Variants in ASTN2 observed in about 807,000 individuals in gnomAD.
ASTN2 encodes astrotactin-2.
In ASTN2, 54 loss-of-function variants were observed where a neutral mutation model predicts 139.8. The observed-to-expected ratio is 0.39, with a 90% CI of 0.31 to 0.48. The LOEUF (loss-of-function observed/expected upper bound fraction) is 0.48, where lower values mean the gene tolerates loss of function less well. Among genes scored for constraint, ASTN2 ranks in the 20% least tolerant of loss-of-function variants. The pLI is 0.95. For missense variants in ASTN2, 1,565 were observed against 1,725.1 expected (o/e 0.91, Z 1.64); for synonymous variants, 756 against 719.5 (o/e 1.05, Z -0.81).
At chr9:116,656,682 C>CA (rs33989865) in intron 16 of ASTN2, among the ~76,000 whole-genome samples, 199 of 109,864 alleles carry the variant, frequency 1.8e-3, no homozygotes, top group African/African-American at 3.4e-3. Context: ...TTGTTGCCAC[C>CA]AAAAAAAAAA....
chr9:116,932,581 T>A (rs140643871), intron 10 of ASTN2, among the ~76,000 whole-genome samples: 1 of 152,042 alleles, frequency 6.6e-6, no homozygotes, highest in Non-Finnish European at 1.5e-5. Context: ...GAGAGTTACA[T>A]GCATGTGCCC....
At position 117,414,136 on chromosome 9, in the gene ASTN2, C is replaced by G. The variant is rs1169859589; in HGVS notation, c.442+361G>C. Among the ~76,000 whole-genome samples the G allele has an allele frequency of 1.3e-5, 2 of 152,072 alleles. No homozygotes were observed. Among genetic ancestry groups the G allele is most frequent in the Admixed American group, 1.3e-4 (2 of 15,280 alleles). On this transcript the variant is annotated intron_variant, in intron 1 of 22. Coordinates refer to ENST00000313400, the MANE Select transcript of ASTN2 (RefSeq NM_001365068.1). This position sits in a 1 kb window ranked among gnomAD's most constrained non-coding sequence, Gnocchi z 4.2. ...TACCCGGAGAAGTGGGAGGCTCGAC[C>G]TGAAACTGGCTTAGGATCTGGGATG...
At chr9:116,741,951 C>G (rs527240471) in intron 13 of ASTN2, among the ~76,000 whole-genome samples, 1 of 152,160 alleles carries the variant, frequency 6.6e-6, no homozygotes, top group Non-Finnish European at 1.5e-5. Context: ...TCATTCATTC[C>G]TTCATTCATT....
At chr9:117,021,637 C>T (rs890631520) in intron 6 of ASTN2, among the ~76,000 whole-genome samples, 38 of 152,026 alleles carry the variant, frequency 2.5e-4, no homozygotes, top group African/African-American at 8.5e-4. Flanking sequence ...AAATACAGAG[C>T]GAGGCAGCTG....
chr9:117,379,552 C>A (rs1460178034), intron 1 of ASTN2, among the ~76,000 whole-genome samples: 2 of 152,142 alleles, frequency 1.3e-5, no homozygotes, highest in Non-Finnish European at 2.9e-5. Flanking sequence ...GTAAATGTTT[C>A]TCTTGGGAGG....
At chr9:117,359,452 G>T (rs188695751) in intron 1 of ASTN2, among the ~76,000 whole-genome samples, 34 of 152,280 alleles carry the variant, frequency 2.2e-4, no homozygotes, top group African/African-American at 7.0e-4. Flanking sequence ...TGTATCTGTT[G>T]CATGCTGAGA....
intron 1 of ASTN2, among the ~76,000 whole-genome samples, chr9:117,384,507 TGAAAA>T (rs1830349029): frequency 6.6e-6 from 1 of 152,166 alleles, no homozygotes; most frequent in Non-Finnish European, 1.5e-5. Context: ...CTCCCTTCTG[TGAAAA>T]GAAGTTAAAC....
In ASTN2 at chr9:117,140,320, T is replaced by C. The variant is rs139692816; in HGVS notation, c.1168+1006A>G. 8.4e-4 allele frequency among the ~76,000 whole-genome samples: 128 copies of C among 152,086 alleles called. 1 individual carries two copies. The highest frequency in any genetic ancestry group is 3.0e-3 in the African/African-American group (124 of 41,488). Reference sequence around the variant, plus strand: ...ATAGCCTGAACATGTGTGAAGGTGCTAGATAACCACTGAAGCTGTGGGAAA... The same window carrying C: ...ATAGCCTGAACATGTGTGAAGGTGCCAGATAACCACTGAAGCTGTGGGAAA... On this transcript the variant is annotated intron_variant, in intron 4 of 22. Transcript: ENST00000313400.
intron 3 of ASTN2, among the ~76,000 whole-genome samples, chr9:117,192,269 C>T (rs191047894): frequency 1.8e-4 from 28 of 152,136 alleles, no homozygotes; most frequent in African/African-American, 6.5e-4. Flanking sequence ...AAAAAAGCCG[C>T]AGAGGCAGGG....
intron 3 of ASTN2, among the ~76,000 whole-genome samples, chr9:117,189,326 G>T (rs1283825234): frequency 1.3e-5 from 2 of 152,060 alleles, no homozygotes; most frequent in East Asian, 3.9e-4. Flanking sequence ...CAAGACAAAG[G>T]CATGGGCTGG....
At chr9:116,829,608 G>T (rs1274467393) in intron 11 of ASTN2, among the ~76,000 whole-genome samples, 1 of 152,136 alleles carries the variant, frequency 6.6e-6, no homozygotes, top group Non-Finnish European at 1.5e-5. Context: ...AGGAGAAAGA[G>T]AGCAAAATGA....
At chr9:117,207,425 C>T (rs1437058008) in intron 3 of ASTN2, among the ~76,000 whole-genome samples, 1 of 152,288 alleles carries the variant, frequency 6.6e-6, no homozygotes, top group South Asian at 2.1e-4. Flanking sequence ...AGAAATGGCC[C>T]TGTGGGTTGT....
At chr9:116,567,045 T>C (rs1262828053) in intron 19 of ASTN2, among the ~76,000 whole-genome samples, 3 of 152,174 alleles carry the variant, frequency 2.0e-5, no homozygotes, top group African/African-American at 7.2e-5. Flanking sequence ...TCAATGTACA[T>C]ATGAAGGAAC....
intron 20 of ASTN2, among the ~76,000 whole-genome samples, chr9:116,463,239 C>T (rs888933455): frequency 6.6e-6 from 1 of 152,192 alleles, no homozygotes; most frequent in Non-Finnish European, 1.5e-5. Flanking sequence ...TTCTCCCTTA[C>T]ATCCCACACC....
chr9:116,666,906 G>T (rs1858894615), intron 16 of ASTN2, among the ~76,000 whole-genome samples: 1 of 147,498 alleles, frequency 6.8e-6, no homozygotes, highest in Non-Finnish European at 1.5e-5. Flanking sequence ...ACACCATATA[G>T]ACATTTTGAT....
intron 16 of ASTN2, chr9:116,686,568 A>G: frequency 1.1e-6 from 1 of 932,996 alleles, no homozygotes. Flanking sequence ...GTCCTGTATC[A>G]GACCTCGTCC....
chr9:117,197,490 C>T (rs1055094663), intron 3 of ASTN2: 2 of 152,162 alleles, frequency 1.3e-5, no homozygotes, highest in Non-Finnish European at 2.9e-5. Flanking sequence ...TTTCTATATA[C>T]ATTGCTTAAT....
At chr9:116,808,826 C>A (rs772142897) in intron 12 of ASTN2, among the ~76,000 whole-genome samples, 61 of 152,144 alleles carry the variant, frequency 4.0e-4, no homozygotes, top group Non-Finnish European at 6.6e-4. Flanking sequence ...CTTTCATGTT[C>A]ATTACTGCCA....
chr9:117,267,487 T>A (rs1283499732), intron 2 of ASTN2, among the ~76,000 whole-genome samples: 1 of 152,208 alleles, frequency 6.6e-6, no homozygotes, highest in African/African-American at 2.4e-5. Context: ...AATATCTCAG[T>A]ACATACACAT....
Sources: gnomAD v4.1 joint callset for allele counts (sites outside exome capture counted in the v4.1 genomes callset) on GRCh38, gnomAD v4.1.1 for gene constraint, Gnocchi (gnomAD v3.1) non-coding constraint, MANE v1.5 for transcripts, NCBI Gene and HGNC (gene_info 2026-07-23, HGNC 2026-07-21) for gene names.